Variants in TCF12 observed in about 807,000 individuals in gnomAD.
The protein encoded by TCF12 is DNA-binding protein HTF4.
In TCF12, 45 loss-of-function variants were observed where a neutral mutation model predicts 86.0. The observed-to-expected ratio is 0.52, with a 90% CI of 0.41 to 0.67. The LOEUF (loss-of-function observed/expected upper bound fraction) is 0.67. Among genes scored for constraint, TCF12 ranks in the 30% least tolerant of loss-of-function variants. TCF12 has a pLI of 0.00. For synonymous variants in TCF12, 330 were observed against 299.6 expected (o/e 1.10, Z -1.05); for missense variants, 881 against 859.9 (o/e 1.02, Z -0.31).
intron 5 of TCF12, among the ~76,000 whole-genome samples, chr15:57,161,358 G>T (rs2054494427): frequency 6.6e-6 from 1 of 152,140 alleles, no homozygotes; most frequent in Admixed American, 6.5e-5. Flanking sequence ...TTGAACTTCA[G>T]TCATTTGCTG....
At chr15:57,234,682 A>G (rs1379674162) in intron 12 of TCF12, among the ~76,000 whole-genome samples, 2 of 152,246 alleles carry the variant, frequency 1.3e-5, no homozygotes, top group African/African-American at 4.8e-5. Flanking sequence ...ATGACAAAGC[A>G]GTGATTATAT....
At chr15:57,166,287 TA>T in intron 5 of TCF12, 114 bp from the exon 6 acceptor site, 1 of 814,174 alleles carries the variant, frequency 1.2e-6, no homozygotes, top group Non-Finnish European at 1.9e-6. Context: ...CTCTTATTTC[TA>T]ATTTGTTCTT....
Position 57,192,157 on chromosome 15 carries a change from G to T in TCF12, c.391-1G>T. ...CTTGTTTCCTTGGCCTTATTTTATA[G>T]TCTAGTCTCCTGAGACAAGATCTGG... On this transcript the variant is annotated splice_acceptor_variant, in intron 6 of 20. Coordinates refer to ENST00000333725, the MANE Select transcript of TCF12 (RefSeq NM_207037.2). LOFTEE classifies it high-confidence loss of function. The T allele has an allele frequency of 6.2e-7, 1 of 1,613,468 alleles. No individual in the cohort carries two copies. Among genetic ancestry groups the T allele is most frequent in the African/African-American group, 1.3e-5 (1 of 74,976 alleles).
intron 3 of TCF12, among the ~76,000 whole-genome samples, chr15:57,030,632 T>C (rs977887328): frequency 6.6e-6 from 1 of 152,134 alleles, no homozygotes; most frequent in African/African-American, 2.4e-5. Context: ...AGGAAAACTA[T>C]CGCCCATTGT....
At chr15:57,247,755 T>C in intron 13 of TCF12, 1 of 738,226 alleles carries the variant, frequency 1.4e-6, no homozygotes, top group East Asian at 2.4e-5. Context: ...CTGTCAGCCT[T>C]GTGTGGTCTA....
intron 6 of TCF12, among the ~76,000 whole-genome samples, chr15:57,185,476 A>T (rs2056613807): frequency 6.6e-6 from 1 of 152,196 alleles, no homozygotes; most frequent in African/African-American, 2.4e-5. Context: ...AAACAAGTAA[A>T]AGAAGAACAA....
At chr15:56,940,992 C>G (rs1441252350) in intron 3 of TCF12, among the ~76,000 whole-genome samples, 2 of 150,592 alleles carry the variant, frequency 1.3e-5, no homozygotes, top group African/African-American at 4.9e-5. Context: ...AACTCCTGAC[C>G]TCAAGCAGTC....
At chr15:57,247,996 C>T (rs1030086125) in intron 13 of TCF12, 21 of 721,152 alleles carry the variant, frequency 2.9e-5, no homozygotes, top group African/African-American at 1.4e-4. Flanking sequence ...CACCCCACCC[C>T]CACAGTGGTG....
chr15:57,167,014 C>A (rs560141649), intron 6 of TCF12, among the ~76,000 whole-genome samples: 1 of 152,100 alleles, frequency 6.6e-6, no homozygotes, highest in Non-Finnish European at 1.5e-5. Flanking sequence ...ATCCTGAACA[C>A]ACAATTCACC....
At chr15:56,947,950 T>C (rs1488142292) in intron 3 of TCF12, among the ~76,000 whole-genome samples, 4 of 152,134 alleles carry the variant, frequency 2.6e-5, no homozygotes, top group Non-Finnish European at 2.9e-5. Context: ...GCAGATGTAA[T>C]TGACAGGAAC....
intron 12 of TCF12, among the ~76,000 whole-genome samples, chr15:57,242,237 T>C (rs2059666192): frequency 6.6e-6 from 1 of 152,210 alleles, no homozygotes; most frequent in South Asian, 2.1e-4. Flanking sequence ...TTTTCCTTTT[T>C]AAAATATTTG....
intron 16 of TCF12, among the ~76,000 whole-genome samples, chr15:57,255,481 T>G (rs1257253916): frequency 2.0e-5 from 3 of 152,098 alleles, no homozygotes; most frequent in Non-Finnish European, 4.4e-5. Flanking sequence ...TGTTGTTGTT[T>G]TTTGTTTTGT....
At chr15:57,108,371 T>C (rs2050269710) in intron 5 of TCF12, among the ~76,000 whole-genome samples, 2 of 152,070 alleles carry the variant, frequency 1.3e-5, no homozygotes, top group African/African-American at 2.4e-5. Context: ...ACAAAAACAA[T>C]TAATATCTGG....
At chr15:57,189,873 T>C (rs967143312) in intron 6 of TCF12, among the ~76,000 whole-genome samples, 2 of 152,220 alleles carry the variant, frequency 1.3e-5, no homozygotes, top group Admixed American at 6.5e-5. Flanking sequence ...GTTTGTGGTA[T>C]AGCCATACTA....
chr15:57,178,202 G>A (rs16977276), intron 6 of TCF12, among the ~76,000 whole-genome samples: 6,291 of 152,132 alleles, frequency 0.041, 361 homozygotes, highest in African/African-American at 0.13. Context: ...AAATGAAGCC[G>A]GAACAACAGA....
intron 4 of TCF12, among the ~76,000 whole-genome samples, chr15:57,068,537 A>C (rs2069099845): frequency 1.3e-5 from 2 of 152,354 alleles, no homozygotes; most frequent in South Asian, 4.1e-4. Context: ...GGAAAGCAAC[A>C]GTCTCTTCCT....
At position 57,115,982 on chromosome 15, in the gene TCF12, T is replaced by A. The variant is rs542514385; in HGVS notation, c.325+24091T>A. ...CTCTCTTCTGTCCAGTTCCCAGACT[T>A]AGCATTTACATAGTTCCTTACTGTT... is the stretch of plus-strand genomic sequence containing the variant. On this transcript the variant is annotated intron_variant, in intron 5 of 20. Transcript: ENST00000333725. 1.1e-4 allele frequency among the ~76,000 whole-genome samples: 16 copies of A among 152,332 alleles called. 1 individual carries two copies. In the South Asian group the frequency reaches 3.3e-3, roughly 32 times the overall value.
At chr15:57,143,060 T>C (rs184811118) in intron 5 of TCF12, among the ~76,000 whole-genome samples, 1 of 151,680 alleles carries the variant, frequency 6.6e-6, no homozygotes, top group East Asian at 1.9e-4. Flanking sequence ...AGGTGATGGA[T>C]ACCGCATTTA....
At chr15:57,198,194 A>G (rs1334193416) in intron 8 of TCF12, among the ~76,000 whole-genome samples, 1 of 152,234 alleles carries the variant, frequency 6.6e-6, no homozygotes, top group African/African-American at 2.4e-5. Context: ...TGAAAATCTT[A>G]GAAATTTACA....
Sources: allele counts gnomAD v4.1 joint callset (sites outside exome capture counted in the v4.1 genomes callset), GRCh38; gene constraint gnomAD v4.1.1; transcripts MANE v1.5; gene names NCBI Gene and HGNC (gene_info 2026-07-23, HGNC 2026-07-21).